The following LRFN5 variants were observed in gnomAD, a reference collection of about 807,000 sequenced individuals.
LRFN5 encodes the protein leucine rich repeat and fibronectin type III domain containing 5.
Under a neutral mutation model 45.6 loss-of-function variants are expected in LRFN5, and 24 were observed. The ratio of observed to expected loss-of-function variants is 0.53; its 90% confidence interval spans 0.38 to 0.74. The LOEUF is 0.74. LRFN5 is among the 30% of genes least tolerant of loss of function. The probability of loss-of-function intolerance (pLI) is 0.00; values close to 1 mark genes in which losing one functional copy is unlikely to be tolerated. For synonymous variants in LRFN5, 340 were observed against 313.8 expected, an observed-to-expected ratio of 1.08 and a Z score of -0.88; for missense variants, 776 against 861.5, an observed-to-expected ratio of 0.90 and a Z score of 1.24.
chr14:41,704,107 T>C (rs1199092287), intron 1 of LRFN5, among the ~76,000 whole-genome samples: 1 of 152,158 alleles, frequency 6.6e-6, no homozygotes. Context: ...AAAAGAAGTG[T>C]GTGGGCTAAC....
chr14:41,781,568 GAAA>G lies in LRFN5; in HGVS notation c.-21+14540_-21+14542del, dbSNP rs1886492437. On this transcript the variant is annotated intron_variant, in intron 2 of 5. Transcript: ENST00000298119. ...GAAGGAGAAAAGAAAGAGAAAGAAA[GAAA>G]GAAAGAAAGAAAGAAAGAAAGAAAG... Among the ~76,000 whole-genome samples the G allele has an allele frequency of 4.2e-3, 221 of 52,910 alleles. 1 individual carries two copies. The highest frequency in any genetic ancestry group is 0.022 in the African/African-American group (210 of 9,620). The allele number at this position is 52,910 out of a possible 152,430, so 34.7% of individuals were successfully genotyped here. A position where few individuals can be genotyped will look rare whatever the true frequency, so the allele number is the denominator to read the frequency against.
chr14:41,883,139 A>G (rs1009060106), intron 2 of LRFN5, among the ~76,000 whole-genome samples: 1 of 149,772 alleles, frequency 6.7e-6, no homozygotes, highest in African/African-American at 2.5e-5. Flanking sequence ...GGCTTGAGTC[A>G]CCACCCCCCG....
intron 2 of LRFN5, among the ~76,000 whole-genome samples, chr14:41,807,554 TG>T (rs1272477308): frequency 6.6e-6 from 1 of 152,146 alleles, no homozygotes; most frequent in African/African-American, 2.4e-5. Context: ...CACTGAAATC[TG>T]AGTAAATGAG....
At chr14:41,727,061 A>G (rs1410048205) in intron 1 of LRFN5, among the ~76,000 whole-genome samples, 1 of 152,204 alleles carries the variant, frequency 6.6e-6, no homozygotes, top group Non-Finnish European at 1.5e-5. Context: ...CAGTGCTTAT[A>G]CATAGGTGAG....
chr14:41,646,914 C>T (rs1241546683), intron 1 of LRFN5, among the ~76,000 whole-genome samples: 1 of 152,176 alleles, frequency 6.6e-6, no homozygotes, highest in Admixed American at 6.5e-5. Flanking sequence ...ACTCTGGGTG[C>T]TTCCATCTTG....
chr14:41,764,085 A>G lies in LRFN5; in HGVS notation c.-196-2769A>G, dbSNP rs189115759. On this transcript the variant is annotated intron_variant, in intron 1 of 5. Transcript: ENST00000298119. ...TGTAGTATTAGAATCTCAAATCTGAATTTTCCCTCTTTGGTCATTGCATTG... is the reference window on the plus strand; with the variant it reads ...TGTAGTATTAGAATCTCAAATCTGAGTTTTCCCTCTTTGGTCATTGCATTG... 1.8e-4 allele frequency among the ~76,000 whole-genome samples: 27 copies of G among 152,270 alleles called. No homozygotes were observed. The East Asian group carries it at 4.1e-3, about 23-fold the overall frequency.
chr14:41,663,771 A>G lies in LRFN5; in HGVS notation c.-197+55209A>G, dbSNP rs150108351. On this transcript the variant is annotated intron_variant, in intron 1 of 5. Coordinates refer to ENST00000298119, the MANE Select transcript of LRFN5 (RefSeq NM_152447.5). Reference sequence around the variant, plus strand: ...AACCTGGTCTCACAAAGGGGAACACATATTTATAGACTTGGAGTTAGAAAA... The same window carrying G: ...AACCTGGTCTCACAAAGGGGAACACGTATTTATAGACTTGGAGTTAGAAAA... 9.2e-3 allele frequency among the ~76,000 whole-genome samples: 1,407 copies of G among 152,124 alleles called. 6 individuals carry two copies. The highest frequency in any genetic ancestry group is 0.02 in the East Asian group (102 of 5,158).
intron 1 of LRFN5, among the ~76,000 whole-genome samples, chr14:41,666,279 A>G (rs959343471): frequency 6.6e-6 from 1 of 152,052 alleles, no homozygotes; most frequent in Non-Finnish European, 1.5e-5. Flanking sequence ...AGACATTAGT[A>G]ATTATTTGAA....
chr14:41,894,371 TTTTG>T (rs1388122442), intron 4 of LRFN5: 2 of 862,968 alleles, frequency 2.3e-6, no homozygotes, highest in African/African-American at 1.8e-5. Context: ...ATGAGATTTA[TTTTG>T]TTTGACTAAC....
At chr14:41,733,994 T>A (rs1884292301) in intron 1 of LRFN5, among the ~76,000 whole-genome samples, 1 of 148,402 alleles carries the variant, frequency 6.7e-6, no homozygotes, top group African/African-American at 2.5e-5. Context: ...TGTGTTTATA[T>A]ATGTATATAT....
chr14:41,826,094 C>T (rs1888285194), intron 2 of LRFN5, among the ~76,000 whole-genome samples: 1 of 152,156 alleles, frequency 6.6e-6, no homozygotes, highest in East Asian at 1.9e-4. Context: ...GAACTGGCCT[C>T]AGATAGGTCT....
chr14:41,657,134 T>A (rs1185159219), intron 1 of LRFN5, among the ~76,000 whole-genome samples: 2 of 151,946 alleles, frequency 1.3e-5, no homozygotes, highest in African/African-American at 4.8e-5. Flanking sequence ...CATCTATATC[T>A]TTCTGCTATG....
intron 2 of LRFN5, among the ~76,000 whole-genome samples, chr14:41,844,300 G>C (rs1322269252): frequency 2.0e-4 from 30 of 151,998 alleles, no homozygotes; most frequent in East Asian, 1.9e-3. Context: ...AGCCAGGCGT[G>C]GTGGTGGGCA....
At chr14:41,688,389 T>A (rs929914903) in intron 1 of LRFN5, among the ~76,000 whole-genome samples, 1 of 152,042 alleles carries the variant, frequency 6.6e-6, no homozygotes, top group Non-Finnish European at 1.5e-5. Context: ...GATGTGATTA[T>A]TATATATTGT....
Position 41,635,761 on chromosome 14 carries a change from C to T in LRFN5, c.-197+27199C>T, listed in dbSNP as rs998101128. On this transcript the variant is annotated intron_variant, in intron 1 of 5. Transcript: ENST00000298119. ...CATGTTTGGGTATAAGGAACAGTCT[C>T]ACTACTGCTTCAGTATAGGACATAA... Among the ~76,000 whole-genome samples, 3 of 152,224 alleles carry T rather than the reference C, an allele frequency of 2.0e-5. No homozygotes were observed. The East Asian group carries it at 5.8e-4, about 29-fold the overall frequency.
chr14:41,779,007 T>C (rs1214611743), intron 2 of LRFN5, among the ~76,000 whole-genome samples: 1 of 151,800 alleles, frequency 6.6e-6, no homozygotes, highest in African/African-American at 2.4e-5. Flanking sequence ...TTTCATTTCT[T>C]ATTATACTAG....
intron 1 of LRFN5, among the ~76,000 whole-genome samples, chr14:41,675,275 C>T (rs142216354): frequency 0.011 from 1,733 of 152,344 alleles, 12 homozygotes; most frequent in Middle Eastern, 0.024. Flanking sequence ...AGGTTGTAGC[C>T]AGCCGAGATC....
At chr14:41,714,025 G>C (rs1883387473) in intron 1 of LRFN5, among the ~76,000 whole-genome samples, 1 of 152,014 alleles carries the variant, frequency 6.6e-6, no homozygotes. Context: ...TCATGCAGCA[G>C]TTAAAATGAA....
intron 2 of LRFN5, among the ~76,000 whole-genome samples, chr14:41,781,556 AAGAGAAAGAAAG>A (rs1886487006): frequency 9.9e-6 from 1 of 100,852 alleles, no homozygotes; most frequent in Non-Finnish European, 2.0e-5. Flanking sequence ...GGAGAAAAGA[AAGAGAAAGAAAG>A]AAAGAAAGAA....
Sources: allele counts gnomAD v4.1 joint callset (sites outside exome capture counted in the v4.1 genomes callset), GRCh38; gene constraint gnomAD v4.1.1; transcripts MANE v1.5; gene names NCBI Gene and HGNC (gene_info 2026-07-23, HGNC 2026-07-21).